The following VAV3 variants were observed in gnomAD, a reference collection of about 807,000 sequenced individuals.
The protein encoded by VAV3 is vav guanine nucleotide exchange factor 3.
In VAV3, 94 loss-of-function variants were observed where a neutral mutation model predicts 131.2. The observed-to-expected ratio is 0.72, with a 90% CI of 0.61 to 0.85. The LOEUF (loss-of-function observed/expected upper bound fraction) is 0.85, where lower values mean the gene tolerates loss of function less well. VAV3 is among the 40% of genes least tolerant of loss of function. The pLI is 0.00. For missense variants in VAV3, 939 were observed against 1,002.7 expected (o/e 0.94, Z 0.86); for synonymous variants, 349 against 342.0 (o/e 1.02, Z -0.22).
chr1:107,779,525 T>TAG, intron 2 of VAV3, 33 bp from the exon 3 acceptor site: 3 of 1,525,410 alleles, frequency 2.0e-6, no homozygotes, highest in Non-Finnish European at 2.6e-6. Flanking sequence ...ATTAGATATG[T>TAG]AGTTCAGAAA....
chr1:107,618,768 G>A (rs146546485), intron 20 of VAV3, among the ~76,000 whole-genome samples: 3 of 152,282 alleles, frequency 2.0e-5, no homozygotes, highest in African/African-American at 7.2e-5. Flanking sequence ...TAACTTCAGG[G>A]CTCTGCACTG....
At chr1:107,725,435 CTG>C (rs1215153882) in intron 15 of VAV3, among the ~76,000 whole-genome samples, 1 of 152,120 alleles carries the variant, frequency 6.6e-6, no homozygotes, top group African/African-American at 2.4e-5. Context: ...GAGAGGGACA[CTG>C]TGGAACGTCT....
chr1:107,637,270 C>G (rs1654998921), intron 20 of VAV3, among the ~76,000 whole-genome samples: 1 of 151,978 alleles, frequency 6.6e-6, no homozygotes, highest in Non-Finnish European at 1.5e-5. Context: ...ACCAAACTCA[C>G]TCGAGGAGAA....
chr1:107,731,837 T>C (rs1480099462), intron 15 of VAV3, among the ~76,000 whole-genome samples: 2 of 152,204 alleles, frequency 1.3e-5, no homozygotes, highest in Non-Finnish European at 2.9e-5. Context: ...TAAAACTGTA[T>C]AGTTTCTGAA....
chr1:107,717,431 C>T (rs933800760), intron 15 of VAV3, among the ~76,000 whole-genome samples: 1 of 152,080 alleles, frequency 6.6e-6, no homozygotes, highest in African/African-American at 2.4e-5. Context: ...GATTCTGGTA[C>T]GTTGTGTCTT....
At chr1:107,699,737 C>G (rs879845166) in intron 17 of VAV3, among the ~76,000 whole-genome samples, 1 of 147,994 alleles carries the variant, frequency 6.8e-6, no homozygotes, top group Admixed American at 6.8e-5. Flanking sequence ...CTTTCTCTCT[C>G]TTTTTTTTTT....
intron 1 of VAV3, among the ~76,000 whole-genome samples, chr1:107,881,621 A>G (rs1320245738): frequency 1.3e-5 from 2 of 152,210 alleles, no homozygotes; most frequent in Non-Finnish European, 2.9e-5. Flanking sequence ...AAGGGCATGA[A>G]TAGCTCGCTT....
rs149285007 is a variant in VAV3 at position 107,600,728 on chromosome 1, A to G, written c.2220+1669T>C. Among the ~76,000 whole-genome samples, 33 of 152,270 alleles carry G rather than the reference A, an allele frequency of 2.2e-4. No individual in the cohort carries two copies. In the East Asian group the frequency reaches 5.4e-3, roughly 25 times the overall value. ...GTATCTATGTCTACCAATCCAGGTC[A>G]CTGTGGTATTACTGGCTTTTCACAT... On this transcript the variant is annotated intron_variant, in intron 24 of 26. Coordinates refer to ENST00000370056, the MANE Select transcript of VAV3 (RefSeq NM_006113.5).
chr1:107,809,277 T>G (rs1293502978), intron 2 of VAV3, among the ~76,000 whole-genome samples: 2 of 152,088 alleles, frequency 1.3e-5, no homozygotes, highest in African/African-American at 4.8e-5. Context: ...AGACACAACC[T>G]AAGAGTCTGA....
intron 2 of VAV3, among the ~76,000 whole-genome samples, chr1:107,869,066 A>G (rs1360565): frequency 0.66 from 99,496 of 151,798 alleles, 33,116 homozygotes; most frequent in Non-Finnish European, 0.72. Context: ...ACTCTTCTGT[A>G]TCAGGAAGAG....
At chr1:107,786,979 C>A (rs1666044365) in intron 2 of VAV3, among the ~76,000 whole-genome samples, 1 of 151,980 alleles carries the variant, frequency 6.6e-6, no homozygotes, top group Non-Finnish European at 1.5e-5. Flanking sequence ...ACCCACCTAT[C>A]TACACACACA....
chr1:107,736,705 A>G (rs7547514), intron 15 of VAV3, among the ~76,000 whole-genome samples: 16,026 of 148,540 alleles, frequency 0.11, 1,036 homozygotes, highest in East Asian at 0.25. Context: ...AAATAAAAGA[A>G]GACACAAACA....
chr1:107,878,695 T>C (rs1269054910), intron 1 of VAV3, among the ~76,000 whole-genome samples: 1 of 152,180 alleles, frequency 6.6e-6, no homozygotes, highest in Non-Finnish European at 1.5e-5. Flanking sequence ...TGTCCCATCA[T>C]TACTGAGGCT....
chr1:107,736,938 T>C (rs1662678914), intron 15 of VAV3, among the ~76,000 whole-genome samples: 2 of 152,210 alleles, frequency 1.3e-5, no homozygotes, highest in African/African-American at 4.8e-5. Context: ...GGCATCACGC[T>C]AGCTGACTTC....
intron 1 of VAV3, among the ~76,000 whole-genome samples, chr1:107,918,793 C>T (rs1015288017): frequency 1.3e-5 from 2 of 149,914 alleles, no homozygotes; most frequent in Admixed American, 1.3e-4. Flanking sequence ...GCAACCTCTG[C>T]CTCCCGAGTT....
intron 2 of VAV3, among the ~76,000 whole-genome samples, chr1:107,816,523 C>G (rs942202316): frequency 3.3e-5 from 5 of 152,134 alleles, no homozygotes; most frequent in Non-Finnish European, 7.3e-5. Context: ...CTTGATTCTG[C>G]AAAACTCCCA....
At chr1:107,578,895 A>T in intron 25 of VAV3, 1 of 985,248 alleles carries the variant, frequency 1.0e-6, no homozygotes, top group Non-Finnish European at 1.2e-6. Context: ...GCTCTAGAAG[A>T]GAGAAATGAT....
At chr1:107,696,116 C>T (rs755576519) in intron 17 of VAV3, among the ~76,000 whole-genome samples, 17 of 152,144 alleles carry the variant, frequency 1.1e-4, no homozygotes, top group Non-Finnish European at 2.2e-4. Context: ...GAGAATGATG[C>T]TACTTTTTAA....
chr1:107,575,029 G>GTC (rs1649542687), intron 25 of VAV3, among the ~76,000 whole-genome samples: 1 of 49,374 alleles, frequency 2.0e-5, no homozygotes, highest in East Asian at 8.1e-4. Flanking sequence ...ACGCGCGCGT[G>GTC]TTTAATATTC....
Sources: allele counts gnomAD v4.1 joint callset (sites outside exome capture counted in the v4.1 genomes callset), GRCh38; gene constraint gnomAD v4.1.1; transcripts MANE v1.5; gene names NCBI Gene and HGNC (gene_info 2026-07-23, HGNC 2026-07-21).